CEP128: variants seen among roughly 807,000 people sequenced by gnomAD.
CEP128 encodes the protein centrosomal protein 128.
A neutral mutation model predicts 156.7 loss-of-function variants in CEP128; 132 were observed. That is an observed-to-expected ratio of 0.84 (90% CI 0.73 to 0.97). The LOEUF (loss-of-function observed/expected upper bound fraction) is 0.97. Ranked by LOEUF, CEP128 falls within the 50% of genes least tolerant of loss-of-function variation. The pLI, the probability that CEP128 is intolerant of heterozygous loss-of-function variation, is 0.00. For missense variants in CEP128, 1,252 were observed against 1,281.9 expected, an observed-to-expected ratio of 0.98 and a Z score of 0.36; for synonymous variants, 469 against 448.9, an observed-to-expected ratio of 1.04 and a Z score of -0.57.
intron 19 of CEP128, among the ~76,000 whole-genome samples, chr14:80,734,339 G>A (rs911777955): frequency 3.3e-5 from 5 of 152,152 alleles, no homozygotes; most frequent in Non-Finnish European, 5.9e-5. Context: ...ATTTTTTAAG[G>A]GAGGAAGGGG....
chr14:80,677,466 G>A (rs905547762), intron 19 of CEP128, among the ~76,000 whole-genome samples: 2 of 133,674 alleles, frequency 1.5e-5, no homozygotes, highest in Admixed American at 1.9e-4. Context: ...CCCAGATGGC[G>A]CCACTGCACT....
chr14:80,853,698 A>AT (rs1352128996), intron 9 of CEP128, among the ~76,000 whole-genome samples: 1 of 152,002 alleles, frequency 6.6e-6, no homozygotes, highest in Middle Eastern at 3.2e-3. Flanking sequence ...TGCCAGCATG[A>AT]TTTTTCATGG....
chr14:80,880,255 A>G (rs926022944), intron 8 of CEP128, among the ~76,000 whole-genome samples: 3 of 152,182 alleles, frequency 2.0e-5, no homozygotes, highest in Non-Finnish European at 4.4e-5. Context: ...TAAGAAAAAA[A>G]AAAGCATTTA....
intron 8 of CEP128, among the ~76,000 whole-genome samples, chr14:80,892,753 T>C (rs886726906): frequency 3.3e-5 from 5 of 151,930 alleles, no homozygotes; most frequent in African/African-American, 1.2e-4. Flanking sequence ...TAAATAGACA[T>C]TTCTCCATAG....
chr14:80,809,344 CAG>C (rs1884370918), intron 13 of CEP128, among the ~76,000 whole-genome samples: 1 of 151,800 alleles, frequency 6.6e-6, no homozygotes, highest in African/African-American at 2.4e-5. Context: ...AAAGAAGAAA[CAG>C]AGCAGACATG....
intron 22 of CEP128, among the ~76,000 whole-genome samples, chr14:80,530,487 A>G (rs1889174554): frequency 6.6e-6 from 1 of 152,226 alleles, no homozygotes; most frequent in Non-Finnish European, 1.5e-5. Flanking sequence ...TAACCAAAAA[A>G]GTTATCTATT....
At chr14:80,570,997 T>A (rs984852894) in intron 20 of CEP128, among the ~76,000 whole-genome samples, 4 of 152,218 alleles carry the variant, frequency 2.6e-5, no homozygotes, top group African/African-American at 9.6e-5. Flanking sequence ...ATTGTTGCCA[T>A]ATGTCTTTTC....
chr14:80,677,548 C>T (rs1056779998), intron 19 of CEP128, among the ~76,000 whole-genome samples: 6 of 149,756 alleles, frequency 4.0e-5, no homozygotes, highest in African/African-American at 1.5e-4. Context: ...CTTCTCCCAC[C>T]CAGGTGGTTT....
At chr14:80,759,499 A>G (rs2246617) in intron 17 of CEP128, among the ~76,000 whole-genome samples, 99,678 of 151,998 alleles carry the variant, frequency 0.66, 33,771 homozygotes, top group African/African-American at 0.83. Context: ...GTGGTTTCTT[A>G]AGCATGTTTC....
At chr14:80,790,437 C>T (rs563825675) in intron 14 of CEP128, among the ~76,000 whole-genome samples, 7 of 152,154 alleles carry the variant, frequency 4.6e-5, no homozygotes, top group African/African-American at 9.6e-5. Context: ...CCACAACTTA[C>T]GACTAGATTA....
chr14:80,744,163 C>T (rs1024306762), intron 18 of CEP128, among the ~76,000 whole-genome samples: 6 of 152,062 alleles, frequency 3.9e-5, no homozygotes, highest in African/African-American at 1.4e-4. Context: ...ACATGAGTGA[C>T]CACACCCAGC....
At chr14:80,499,542 G>A (rs189806036) in intron 24 of CEP128, among the ~76,000 whole-genome samples, 112 of 152,076 alleles carry the variant, frequency 7.4e-4, no homozygotes, top group Admixed American at 2.0e-3. Flanking sequence ...CCTTCCTTTT[G>A]GGCTTATTTA....
intron 19 of CEP128, among the ~76,000 whole-genome samples, chr14:80,590,103 C>A (rs1456514433): frequency 1.3e-5 from 2 of 152,078 alleles, no homozygotes; most frequent in Non-Finnish European, 2.9e-5. Flanking sequence ...GAATGATCAC[C>A]TGCAGCATGG....
intron 19 of CEP128, among the ~76,000 whole-genome samples, chr14:80,630,157 A>C (rs370943297): frequency 6.6e-6 from 1 of 152,006 alleles, no homozygotes; most frequent in East Asian, 1.9e-4. Flanking sequence ...CTAGTGGTTT[A>C]AAAGTAGATA....
intron 8 of CEP128, among the ~76,000 whole-genome samples, chr14:80,891,648 T>C (rs764832761): frequency 1.3e-4 from 20 of 150,810 alleles, no homozygotes; most frequent in Non-Finnish European, 2.2e-4. Flanking sequence ...AGCACTACCA[T>C]AGTCAATATG....
At chr14:80,662,499 T>A (rs902570043) in intron 19 of CEP128, among the ~76,000 whole-genome samples, 1 of 152,134 alleles carries the variant, frequency 6.6e-6, no homozygotes, top group African/African-American at 2.4e-5. Context: ...TCAAAGCCAA[T>A]CTCTACCTTG....
At chr14:80,650,996 C>A (rs547246812) in intron 19 of CEP128, among the ~76,000 whole-genome samples, 1 of 152,128 alleles carries the variant, frequency 6.6e-6, no homozygotes, top group South Asian at 2.1e-4. Context: ...AGGAATAGTA[C>A]CAGCTCCTCT....
chr14:80,504,771 T>C (rs1887892196), intron 24 of CEP128, 141 bp downstream of exon 24: 1 of 351,062 alleles, frequency 2.8e-6, no homozygotes, highest in Non-Finnish European at 5.2e-6. Context: ...ATGAATATCC[T>C]TGAACATTTT....
At chr14:80,641,808 T>C (rs1376071936) in intron 19 of CEP128, among the ~76,000 whole-genome samples, 1 of 152,028 alleles carries the variant, frequency 6.6e-6, no homozygotes, top group Admixed American at 6.6e-5. Flanking sequence ...AATTAAGCAA[T>C]ATATGTTAGG....
Sources: gnomAD v4.1 joint callset for allele counts (sites outside exome capture counted in the v4.1 genomes callset) on GRCh38, gnomAD v4.1.1 for gene constraint, MANE v1.5 for transcripts, NCBI Gene and HGNC (gene_info 2026-07-23, HGNC 2026-07-21) for gene names.